The following WIPF3 variants were observed in gnomAD, a reference collection of about 807,000 sequenced individuals.
WIPF3 encodes WAS/WASL interacting protein family member 3, also known as WAS/WASL-interacting protein family member 3.
WIPF3 carries 33 observed loss-of-function variants against 38.9 expected under a neutral mutation model. That is an observed-to-expected ratio of 0.85 (90% CI 0.64 to 1.14). The LOEUF is 1.14. WIPF3 is among the 50% of genes most tolerant of loss of function. The pLI is 0.00. For missense variants in WIPF3, 711 were observed against 652.5 expected, an observed-to-expected ratio of 1.09 and a Z score of -0.98; for synonymous variants, 324 against 269.3, an observed-to-expected ratio of 1.20 and a Z score of -1.99.
intron 2 of WIPF3, among the ~76,000 whole-genome samples, chr7:29,851,082 G>A (rs1001065905): frequency 6.6e-6 from 1 of 152,164 alleles, no homozygotes; most frequent in Non-Finnish European, 1.5e-5. Flanking sequence ...GCCTCACTGA[G>A]TTTCGCACTG....
At chr7:29,907,364 AGTG>A (rs1285210130) in intron 8 of WIPF3, among the ~76,000 whole-genome samples, 1 of 152,212 alleles carries the variant, frequency 6.6e-6, no homozygotes, top group Non-Finnish European at 1.5e-5. Context: ...AACTAAAAGG[AGTG>A]GTGATGGAGC....
intron 2 of WIPF3, among the ~76,000 whole-genome samples, chr7:29,858,123 A>G (rs1022188997): frequency 6.6e-6 from 1 of 152,208 alleles, no homozygotes; most frequent in Non-Finnish European, 1.5e-5. Flanking sequence ...TGCCAGTACA[A>G]GTATTTTTGG....
intron 1 of WIPF3, among the ~76,000 whole-genome samples, chr7:29,827,594 G>A (rs1229117506): frequency 1.3e-5 from 2 of 152,202 alleles, no homozygotes; most frequent in South Asian, 2.1e-4. Context: ...AGATCATAAT[G>A]TGAGATATAT....
chr7:29,813,092 C>T (rs1784405013), intron 1 of WIPF3, among the ~76,000 whole-genome samples: 1 of 152,232 alleles, frequency 6.6e-6, no homozygotes, highest in African/African-American at 2.4e-5. Flanking sequence ...ACTACATTGT[C>T]TTGACCACCA....
intron 2 of WIPF3, among the ~76,000 whole-genome samples, chr7:29,865,474 G>A (rs930118549): frequency 1.3e-5 from 2 of 152,174 alleles, no homozygotes; most frequent in Admixed American, 1.3e-4. Flanking sequence ...TCAGAGAAGA[G>A]CCAAGAATGT....
intron 2 of WIPF3, among the ~76,000 whole-genome samples, chr7:29,842,178 C>A (rs964071916): frequency 1.3e-5 from 2 of 152,228 alleles, no homozygotes; most frequent in African/African-American, 4.8e-5. Context: ...ATGGCTACAG[C>A]ATTTGTGTTT....
At chr7:29,820,078 GAC>G (rs1262746515) in intron 1 of WIPF3, among the ~76,000 whole-genome samples, 1 of 151,930 alleles carries the variant, frequency 6.6e-6, no homozygotes, top group Non-Finnish European at 1.5e-5. Flanking sequence ...ATATGATAAG[GAC>G]AGAGAGAGAA....
intron 2 of WIPF3, among the ~76,000 whole-genome samples, chr7:29,837,791 T>A (rs1054694641): frequency 1.9e-4 from 29 of 152,362 alleles, no homozygotes; most frequent in African/African-American, 6.3e-4. Context: ...GCACAGGATA[T>A]GATTAGATTG....
At chr7:29,847,891 G>A (rs1157714880) in intron 2 of WIPF3, among the ~76,000 whole-genome samples, 1 of 151,012 alleles carries the variant, frequency 6.6e-6, no homozygotes, top group East Asian at 1.9e-4. Flanking sequence ...AGCCTTGGGG[G>A]AGAATGGGAC....
In WIPF3 at chr7:29,891,849, G is replaced by C. The variant is rs183270748; in HGVS notation, c.1351+2442G>C. On this transcript the variant is annotated intron_variant, in intron 7 of 8. Coordinates refer to ENST00000242140, the MANE Select transcript of WIPF3 (RefSeq NM_001080529.3). ...GCTGGGGGCCTGAAAGCCAGAGAGA[G>C]AGGGTCACAGTTCCACGTGGGTGGG... 4.0e-3 allele frequency among the ~76,000 whole-genome samples: 609 copies of C among 152,298 alleles called. 11 individuals carry two copies. Among genetic ancestry groups the C allele is most frequent in the Non-Finnish European group, 1.9e-3 (132 of 68,024 alleles).
At chr7:29,830,328 G>C (rs923693747) in intron 1 of WIPF3, among the ~76,000 whole-genome samples, 15 of 151,414 alleles carry the variant, frequency 9.9e-5, no homozygotes, top group African/African-American at 3.4e-4. Flanking sequence ...TTCACTTAAG[G>C]GTCTCAAAAA....
chr7:29,828,291 T>C (rs1388649201), intron 1 of WIPF3, among the ~76,000 whole-genome samples: 2 of 152,198 alleles, frequency 1.3e-5, no homozygotes, highest in Non-Finnish European at 2.9e-5. Context: ...AAAGTGTGGT[T>C]GGAACACAGA....
chr7:29,836,416 C>G (rs1784799379), intron 2 of WIPF3, among the ~76,000 whole-genome samples: 1 of 152,274 alleles, frequency 6.6e-6, no homozygotes, highest in South Asian at 2.1e-4. Flanking sequence ...ATGTCTAGGA[C>G]TCAGTAAAAG....
At position 29,879,140 on chromosome 7, in the gene WIPF3, G is replaced by A. The variant is rs1263754392; in HGVS notation, c.355G>A (p.Gly119Ser). 1 of 1,609,684 alleles carries A rather than the reference G, an allele frequency of 6.2e-7. No individual in the cohort carries two copies. The highest frequency in any genetic ancestry group is 1.1e-5 in the South Asian group (1 of 90,608). Residue 119 changes from glycine (G) to serine (S), a missense_variant and splice_region_variant, in exon 4 of 9, where the codon GGT becomes AGT. Transcript: ENST00000242140. ...LRPAGQRDVAGGKTGQGPGSR... is the reference protein window; with the variant it reads ...LRPAGQRDVASGKTGQGPGSR... The stretch of plus-strand genomic sequence containing the variant: ...ACCAGCAGGCCAGCGGGATGTAGCA[G>A]GTAAGGAAGAATTCATTCTGGCTCC...
chr7:29,875,929 C>G lies in WIPF3; in HGVS notation c.190C>G (p.Gln64Glu), dbSNP rs1475289087. 2 of 1,613,938 alleles carry G rather than the reference C, an allele frequency of 1.2e-6. No homozygotes were observed. The highest frequency in any genetic ancestry group is 2.7e-5 in the African/African-American group (2 of 74,948). Residue 64 changes from glutamine to glutamate, a missense_variant, in exon 3 of 9, where the codon CAG becomes GAG. Transcript: ENST00000242140. ...AGGAACTCGCCTGCGCAAAGTCACG[C>G]AGATCAACGACCGCAGTGCCCCGCA... is the stretch of plus-strand genomic sequence containing the variant. The part of the protein sequence containing the change: ...QQGTRLRKVT[Q>E]INDRSAPQIE...
chr7:29,857,738 TATATCTCTGTGTGTATATGTGATTTA>T (rs1364581402), intron 2 of WIPF3, among the ~76,000 whole-genome samples: 1 of 152,214 alleles, frequency 6.6e-6, no homozygotes, highest in Non-Finnish European at 1.5e-5. Flanking sequence ...AAACATTGAA[TATATCTCTGTGTGTATATGTGATTTA>T]ATTTTTAAAT....
intron 2 of WIPF3, among the ~76,000 whole-genome samples, chr7:29,874,833 C>G (rs1195831237): frequency 2.0e-5 from 3 of 152,162 alleles, no homozygotes; most frequent in Non-Finnish European, 4.4e-5. Context: ...TAGGACAAAA[C>G]TTTTTCCTGC....
At chr7:29,856,777 A>G (rs551804449) in intron 2 of WIPF3, among the ~76,000 whole-genome samples, 6 of 152,268 alleles carry the variant, frequency 3.9e-5, no homozygotes, top group East Asian at 1.9e-4. Context: ...CCTTAGACAG[A>G]AGGTTGGTGG....
chr7:29,848,140 G>A (rs534245721), intron 2 of WIPF3, among the ~76,000 whole-genome samples: 12 of 152,260 alleles, frequency 7.9e-5, no homozygotes, highest in Admixed American at 5.9e-4. Flanking sequence ...GGGCCCACGG[G>A]TGTAGCAGGA....
Sources: gnomAD v4.1 joint callset for allele counts (sites outside exome capture counted in the v4.1 genomes callset) on GRCh38, gnomAD v4.1.1 for gene constraint, MANE v1.5 for transcripts, NCBI Gene and HGNC (gene_info 2026-07-23, HGNC 2026-07-21) for gene names.